FRAS1: variants seen among roughly 807,000 people sequenced by gnomAD.
FRAS1 encodes the protein extracellular matrix organizing protein FRAS1.
FRAS1 carries 290 observed loss-of-function variants against 435.2 expected under a neutral mutation model. The observed-to-expected ratio is 0.67, with a 90% CI of 0.61 to 0.73. The LOEUF is 0.73. FRAS1 is among the 30% of genes least tolerant of loss of function. The pLI is 0.00. For missense variants in FRAS1, 4,860 were observed against 5,001.5 expected (o/e 0.97, Z 0.85); for synonymous variants, 1,800 against 1,851.0 (o/e 0.97, Z 0.71).
At chr4:78,384,907 CAAAA>C (rs11315732) in intron 28 of FRAS1, among the ~76,000 whole-genome samples, 13 of 101,760 alleles carry the variant, frequency 1.3e-4, no homozygotes, top group African/African-American at 1.3e-4. Context: ...GACCCTGTCT[CAAAA>C]AAAAAAAAAA....
chr4:78,065,062 A>G (rs964500930), intron 1 of FRAS1, among the ~76,000 whole-genome samples: 1 of 87,308 alleles, frequency 1.1e-5, no homozygotes, highest in Non-Finnish European at 2.5e-5. Flanking sequence ...TATAGTGTAT[A>G]TATATATATA....
chr4:78,067,855 A>G (rs1212307569), intron 2 of FRAS1, among the ~76,000 whole-genome samples: 3 of 140,726 alleles, frequency 2.1e-5, no homozygotes, highest in African/African-American at 8.1e-5. Flanking sequence ...CACCACACCC[A>G]GCCAATTTTT....
At chr4:78,380,446 T>G (rs1310121614) in intron 27 of FRAS1, among the ~76,000 whole-genome samples, 3 of 152,190 alleles carry the variant, frequency 2.0e-5, no homozygotes, top group Non-Finnish European at 2.9e-5. Context: ...AACTTTTTAT[T>G]ATCCACATTA....
In FRAS1 at chr4:78,453,728, A is replaced by G. The variant is rs1314600427; in HGVS notation, c.6763+1374A>G. Among the ~76,000 whole-genome samples the G allele has an allele frequency of 2.9e-4, 39 of 135,656 alleles. No homozygotes were observed. In the Admixed American group the frequency reaches 3.0e-3, roughly 10 times the overall value. 89.0% of individuals were successfully genotyped at this position (135,656 alleles called of 152,430 possible). On this transcript the variant is annotated intron_variant, in intron 47 of 73. Transcript: ENST00000512123. ...GACAGGAGGATTGCTTGAGCCTGGGATTTGAGGCCGCAGTGATCTGTGATC... is the reference window on the plus strand; with the variant it reads ...GACAGGAGGATTGCTTGAGCCTGGGGTTTGAGGCCGCAGTGATCTGTGATC...
chr4:78,291,929 C>T (rs750900609), intron 14 of FRAS1, among the ~76,000 whole-genome samples: 6 of 152,312 alleles, frequency 3.9e-5, no homozygotes, highest in Non-Finnish European at 8.8e-5. Context: ...CCACTTGCTG[C>T]AAGAGGGCTT....
At chr4:78,144,475 T>TGC (rs1172232616) in intron 2 of FRAS1, among the ~76,000 whole-genome samples, 4 of 152,026 alleles carry the variant, frequency 2.6e-5, no homozygotes, top group African/African-American at 7.2e-5. Flanking sequence ...TGTGTGTGTG[T>TGC]GTTTTGTTTG....
At chr4:78,382,410 C>T (rs1036078447) in intron 27 of FRAS1, among the ~76,000 whole-genome samples, 1 of 150,850 alleles carries the variant, frequency 6.6e-6, no homozygotes, top group Non-Finnish European at 1.5e-5. Context: ...AGGGGTGGTA[C>T]TTTCAATCAA....
At chr4:78,321,735 C>T (rs556080750) in intron 18 of FRAS1, among the ~76,000 whole-genome samples, 6 of 149,916 alleles carry the variant, frequency 4.0e-5, no homozygotes, top group Admixed American at 2.7e-4. Context: ...GTCCCAGCTA[C>T]TTGGGAGGGT....
At position 78,488,954 on chromosome 4, in the gene FRAS1, C is replaced by A. The variant is rs114854941; in HGVS notation, c.8832C>A (p.Ser2944Arg). 1 of 1,613,400 alleles carries A rather than the reference C, an allele frequency of 6.2e-7. No individual in the cohort carries two copies. The highest frequency in any genetic ancestry group is 2.2e-5 in the East Asian group (1 of 44,838). The change falls in exon 59 of 74, where the codon AGC (serine) becomes AGA (arginine). Residue 2944 changes from serine to arginine, a missense_variant. Ser to Arg is a moderately radical substitution (Grantham distance 110, BLOSUM62 -1). Transcript: ENST00000512123. ...EGVLHVPITR[S>R]GDLSYESSVR... Reference sequence around the variant, plus strand: ...TCCTGCATGTCCCTATCACTCGGAGCGGAGACCTGAGCTATGAGTCATCAG... The same window carrying A: ...TCCTGCATGTCCCTATCACTCGGAGAGGAGACCTGAGCTATGAGTCATCAG...
chr4:78,181,622 A>G, intron 2 of FRAS1: 3 of 1,610,614 alleles, frequency 1.9e-6, no homozygotes, highest in Non-Finnish European at 2.5e-6. Context: ...CTTTTCTTCA[A>G]GTGGCTTTTC....
intron 2 of FRAS1, among the ~76,000 whole-genome samples, chr4:78,114,043 A>G (rs1742951022): frequency 2.6e-5 from 4 of 152,188 alleles, no homozygotes; most frequent in Admixed American, 2.6e-4. Flanking sequence ...AGCTTTCTAT[A>G]TATGGCTAGC....
chr4:78,201,486 C>T (rs1723047225), intron 2 of FRAS1, among the ~76,000 whole-genome samples: 1 of 152,136 alleles, frequency 6.6e-6, no homozygotes, highest in Non-Finnish European at 1.5e-5. Flanking sequence ...TCATGCCCTC[C>T]CATCTTTCAG....
chr4:78,182,090 C>T (rs1305742487), intron 2 of FRAS1: 11 of 1,449,896 alleles, frequency 7.6e-6, no homozygotes, highest in South Asian at 2.9e-5. Context: ...TGCAGCGGGC[C>T]GCGCCGAGCC....
chr4:78,063,086 G>A (rs779812277), intron 1 of FRAS1, among the ~76,000 whole-genome samples: 11 of 152,020 alleles, frequency 7.2e-5, no homozygotes, highest in South Asian at 4.2e-4. Context: ...AAATATAAAC[G>A]TCAAATAGAC....
At chr4:78,292,250 C>G (rs1213986987) in intron 14 of FRAS1, among the ~76,000 whole-genome samples, 1 of 152,002 alleles carries the variant, frequency 6.6e-6, no homozygotes, top group Non-Finnish European at 1.5e-5. Context: ...ATATAGAGAA[C>G]AGTATACTGT....
intron 6 of FRAS1, among the ~76,000 whole-genome samples, chr4:78,264,521 A>G (rs944558008): frequency 6.6e-6 from 1 of 152,198 alleles, no homozygotes; most frequent in East Asian, 1.9e-4. Flanking sequence ...AAGGAAGGAT[A>G]CCTTCACTTT....
Position 78,479,497 on chromosome 4 carries a change from G to T in FRAS1, c.8222G>T (p.Arg2741Leu). The change falls in exon 56 of 74, where the codon CGT (arginine) becomes CTT (leucine). Residue 2741 changes from arginine (R) to leucine (L), a missense_variant. Transcript: ENST00000512123. ...TCTAGAGGGATGTCTGCCGCGAGTC[G>T]TGTGATATTCGGGCCTGGTGTGACC... ...FKSRGMSAAS[R>L]VIFGPGVTMS... is the part of the protein sequence containing the mutation. The T allele has an allele frequency of 1.2e-6, 2 of 1,613,062 alleles. No individual in the cohort carries two copies. The highest frequency in any genetic ancestry group is 1.7e-6 in the Non-Finnish European group (2 of 1,179,246).
intron 2 of FRAS1, among the ~76,000 whole-genome samples, chr4:78,206,546 G>A (rs888703877): frequency 6.6e-6 from 1 of 152,152 alleles, no homozygotes; most frequent in African/African-American, 2.4e-5. Context: ...CCCTAAGGGT[G>A]TTTTTATAAT....
chr4:78,515,655 C>A, intron 65 of FRAS1, 144 bp from the exon 66 acceptor site: 1 of 684,082 alleles, frequency 1.5e-6, no homozygotes, highest in Non-Finnish European at 2.5e-6. Context: ...TCTCCCTGCA[C>A]ATTGGGAGCC....
Sources: gnomAD v4.1 joint callset for allele counts (sites outside exome capture counted in the v4.1 genomes callset) on GRCh38, gnomAD v4.1.1 for gene constraint, MANE v1.5 for transcripts, NCBI Gene and HGNC (gene_info 2026-07-23, HGNC 2026-07-21) for gene names.